The following TBL1XR1 variants were observed in gnomAD, a reference collection of about 807,000 sequenced individuals.
TBL1XR1 encodes the protein TBL1X/Y related 1.
TBL1XR1 carries 5 observed loss-of-function variants against 66.9 expected under a neutral mutation model. The observed-to-expected ratio is 0.07, with a 90% CI of 0.04 to 0.16. The LOEUF (loss-of-function observed/expected upper bound fraction) is 0.16. Ranked by LOEUF, TBL1XR1 falls within the 10% of genes least tolerant of loss-of-function variation. TBL1XR1 has a pLI of 1.00. For missense variants in TBL1XR1, 238 were observed against 623.2 expected (o/e 0.38, Z 6.58); for synonymous variants, 210 against 206.0 (o/e 1.02, Z -0.17).
At chr3:177,075,573 T>C (rs566351991) in intron 2 of TBL1XR1, among the ~76,000 whole-genome samples, 37 of 152,354 alleles carry the variant, frequency 2.4e-4, no homozygotes, top group African/African-American at 8.7e-4. Flanking sequence ...AACTCAAGTA[T>C]ATTTCACTTT....
At chr3:177,117,594 ACAGGGAAATC>A (rs1726456081) in intron 1 of TBL1XR1, among the ~76,000 whole-genome samples, 1 of 152,200 alleles carries the variant, frequency 6.6e-6, no homozygotes, top group East Asian at 1.9e-4. Context: ...TGTTTGCTAC[ACAGGGAAATC>A]TAATGTGCTC....
At chr3:177,047,605 T>G (rs565039962) in intron 7 of TBL1XR1, 56 bp from the exon 8 acceptor site, 27 of 1,522,810 alleles carry the variant, frequency 1.8e-5, no homozygotes, top group Non-Finnish European at 2.4e-5. Context: ...ATTTAATTGT[T>G]GTTAAAGTAT....
chr3:177,086,580 A>G (rs1722149149), intron 2 of TBL1XR1, among the ~76,000 whole-genome samples: 1 of 152,166 alleles, frequency 6.6e-6, no homozygotes, highest in Non-Finnish European at 1.5e-5. Context: ...TTCTGAAATA[A>G]ATTTTCATCT....
intron 1 of TBL1XR1, among the ~76,000 whole-genome samples, chr3:177,144,571 G>A (rs911519372): frequency 6.6e-6 from 1 of 151,866 alleles, no homozygotes; most frequent in African/African-American, 2.4e-5. Flanking sequence ...GGCTAGCACA[G>A]TGAAACCCCA....
At chr3:177,112,149 C>G (rs1269391838) in intron 1 of TBL1XR1, among the ~76,000 whole-genome samples, 1 of 113,288 alleles carries the variant, frequency 8.8e-6, no homozygotes, top group Non-Finnish European at 1.7e-5. Context: ...ACTCTGTTGC[C>G]GAGGCTGAAG....
chr3:177,143,912 C>A (rs1729932830), intron 1 of TBL1XR1, among the ~76,000 whole-genome samples: 1 of 152,164 alleles, frequency 6.6e-6, no homozygotes, highest in Non-Finnish European at 1.5e-5. Context: ...TATACGAGGA[C>A]AGTGGAGTGG....
At chr3:177,087,542 A>G (rs1426164924) in intron 2 of TBL1XR1, among the ~76,000 whole-genome samples, 1 of 152,200 alleles carries the variant, frequency 6.6e-6, no homozygotes, top group Non-Finnish European at 1.5e-5. Context: ...GTTTCTATGA[A>G]CCAGGAATAA....
In TBL1XR1 at chr3:177,021,191, T is replaced by C. The variant is rs750498208; in HGVS notation, c.*4307A>G. The stretch of plus-strand genomic sequence containing the variant: ...AAAAATGGAAACAGTATAGCTACAA[T>C]GTCAAAGTCAGGAAAGAAGAAAATT... On this transcript the variant is annotated 3_prime_UTR_variant, in exon 16 of 16. Coordinates refer to ENST00000457928, the MANE Select transcript of TBL1XR1 (RefSeq NM_024665.7). 6.6e-6 allele frequency: 1 copy of C among 152,416 alleles called. No individual in the cohort carries two copies. Among genetic ancestry groups the C allele is most frequent in the African/African-American group, 2.4e-5 (1 of 41,434 alleles). The allele number at this position is 152,416 out of a possible 1,614,324, so 9.4% of individuals were successfully genotyped here.
upstream of TBL1XR1, among the ~76,000 whole-genome samples, chr3:177,200,517 G>C (rs1351380892): frequency 6.6e-6 from 1 of 152,130 alleles, no homozygotes; most frequent in East Asian, 1.9e-4. Flanking sequence ...CCAGCATAAA[G>C]GATCAGGGCT....
At chr3:177,064,646 C>T (rs1392547876) in intron 3 of TBL1XR1, among the ~76,000 whole-genome samples, 1 of 152,176 alleles carries the variant, frequency 6.6e-6, no homozygotes, top group Non-Finnish European at 1.5e-5. Flanking sequence ...GTTCCTACTA[C>T]ATATGCAATA....
At chr3:177,197,766 G>A (rs1164155256), upstream of TBL1XR1, among the ~76,000 whole-genome samples, 2 of 147,262 alleles carry the variant, frequency 1.4e-5, no homozygotes, top group African/African-American at 4.9e-5. Flanking sequence ...GGCGGCACTG[G>A]GGGCTGGGCT....
At position 177,051,673 on chromosome 3, in the gene TBL1XR1, G is replaced by C; in HGVS notation, c.258C>G (p.Ala86=). ...TTGTTTGTACTACATCAGGCATTAC[G>C]GCATCTATCAGGGACAGAGACTCTA... ...RPIESLSLID[A]VMPDVVQTRQ... is the part of the protein sequence containing the mutation. The change falls in exon 5 of 16, where the codon GCC becomes GCG. Residue 86 remains alanine, a synonymous_variant. Coordinates refer to ENST00000457928, the MANE Select transcript of TBL1XR1 (RefSeq NM_024665.7). 1.2e-6 allele frequency: 2 copies of C among 1,612,274 alleles called. No individual in the cohort carries two copies. Among genetic ancestry groups the C allele is most frequent in the Non-Finnish European group, 1.7e-6 (2 of 1,178,882 alleles).
chr3:177,069,646 T>C (rs6764052), intron 2 of TBL1XR1, among the ~76,000 whole-genome samples: 69,155 of 151,462 alleles, frequency 0.46, 16,224 homozygotes, highest in East Asian at 0.64. Flanking sequence ...GGCTGAAGAA[T>C]GAGAATTGCT....
intron 1 of TBL1XR1, among the ~76,000 whole-genome samples, chr3:177,158,739 G>A (rs113717429): frequency 1.3e-4 from 20 of 152,164 alleles, no homozygotes; most frequent in Middle Eastern, 3.4e-3. Flanking sequence ...GGCGCTTTAG[G>A]GATTCTGTTT....
At chr3:177,123,809 A>G (rs1727279134) in intron 1 of TBL1XR1, among the ~76,000 whole-genome samples, 1 of 130,564 alleles carries the variant, frequency 7.7e-6, no homozygotes, top group Non-Finnish European at 1.7e-5. Context: ...AATCTACTCA[A>G]GTGGATCATT....
rs560286222 is a variant in TBL1XR1 at position 177,043,053 on chromosome 3, T to G, written c.925+3076A>C. 3.3e-4 allele frequency among the ~76,000 whole-genome samples: 51 copies of G among 152,310 alleles called. 2 individuals are homozygous for G. The South Asian group carries it at 9.8e-3, about 29-fold the overall frequency. On this transcript the variant is annotated intron_variant, in intron 10 of 15. Coordinates refer to ENST00000457928, the MANE Select transcript of TBL1XR1 (RefSeq NM_024665.7). ...AACTTTCTAACTTAATTTTGATTTC[T>G]CCTTTGGCCCATGAGTTATTTAGAA...
chr3:177,149,625 G>C (rs938610575), intron 1 of TBL1XR1, among the ~76,000 whole-genome samples: 2 of 152,102 alleles, frequency 1.3e-5, no homozygotes. Context: ...TCTGAAACAG[G>C]AGTTGACAAA....
intron 2 of TBL1XR1, among the ~76,000 whole-genome samples, chr3:177,068,888 T>C (rs1577070250): frequency 6.6e-6 from 1 of 152,258 alleles, no homozygotes; most frequent in Non-Finnish European, 1.5e-5. Context: ...ACTCTTTGCA[T>C]GATCTAAAGT....
chr3:177,115,042 G>T (rs1019894642), intron 1 of TBL1XR1, among the ~76,000 whole-genome samples: 1 of 151,944 alleles, frequency 6.6e-6, no homozygotes, highest in Non-Finnish European at 1.5e-5. Flanking sequence ...CTGTAAGGAG[G>T]AGTGAGGCGG....
Sources: gnomAD v4.1 joint callset for allele counts (sites outside exome capture counted in the v4.1 genomes callset) on GRCh38, gnomAD v4.1.1 for gene constraint, MANE v1.5 for transcripts, NCBI Gene and HGNC (gene_info 2026-07-23, HGNC 2026-07-21) for gene names.